The following NOLC1 variants were observed in gnomAD, a reference collection of about 807,000 sequenced individuals.
The protein encoded by NOLC1 is 140 kDa nucleolar phosphoprotein.
A neutral mutation model predicts 73.4 loss-of-function variants in NOLC1; 37 were observed. That is an observed-to-expected ratio of 0.50 (90% confidence interval 0.39 to 0.66). NOLC1 has a LOEUF of 0.66. Among genes scored for constraint, NOLC1 ranks in the 30% least tolerant of loss-of-function variants. NOLC1 has a pLI of 0.00. For synonymous variants in NOLC1, 327 were observed against 302.6 expected, an observed-to-expected ratio of 1.08 and a Z score of -0.84; for missense variants, 921 against 838.9, an observed-to-expected ratio of 1.10 and a Z score of -1.21.
At chr10:102,159,594 G>C (rs2069664943) in intron 7 of NOLC1, 26 bp downstream of exon 7, 1 of 1,608,480 alleles carries the variant, frequency 6.2e-7, no homozygotes. Flanking sequence ...GAGCGAAGCT[G>C]TGTGACTGTG....
Position 102,161,041 on chromosome 10 carries a change from TGAG to T in NOLC1, c.1698_1700del (p.Glu569del). 1.2e-6 allele frequency: 2 copies of T among 1,612,570 alleles called. No homozygotes were observed. Among genetic ancestry groups the T allele is most frequent in the Non-Finnish European group, 1.7e-6 (2 of 1,179,682 alleles). On this transcript the variant is annotated inframe_deletion, in exon 10 of 13. Transcript: ENST00000605788. Reference sequence around the variant, plus strand: ...AGAATGGAAAAGCAGCTAAGAACAGTGAGGAGGAGGAAGAAGAAAAGAAAAAGG... The same window carrying T: ...AGAATGGAAAAGCAGCTAAGAACAGTGAGGAGGAAGAAGAAAAGAAAAAGG...
chr10:102,159,281 G>A lies in NOLC1; in HGVS notation c.696G>A (p.Glu232=), dbSNP rs2133758829. The A allele has an allele frequency of 1.2e-6, 2 of 1,614,128 alleles. No homozygotes were observed. The highest frequency in any genetic ancestry group is 1.7e-6 in the Non-Finnish European group (2 of 1,180,024). Residue 232 remains glutamate, a synonymous_variant, in exon 6 of 13, where the codon GAG becomes GAA. Transcript: ENST00000605788. The stretch of plus-strand genomic sequence containing the variant: ...GCAGTAGCAGTGATGACTCAGAGGA[G>A]GAGAAGGCAGCAGCCACCCCCAAGA... ...SSSSSSDDSE[E]EKAAATPKKT...
chr10:102,154,256 T>TG, intron 1 of NOLC1, among the ~76,000 whole-genome samples: 1 of 147,312 alleles, frequency 6.8e-6, no homozygotes, highest in Middle Eastern at 3.4e-3. Context: ...TTTTTTTTTT[T>TG]GTATTTTTAG....
At chr10:102,152,615 A>C in intron 1 of NOLC1, 85 bp downstream of exon 1, 11 of 1,575,858 alleles carry the variant, frequency 7.0e-6, no homozygotes, top group Non-Finnish European at 9.5e-6. Context: ...CAGGTGGGGA[A>C]GTCTGGGGGT....
chr10:102,157,397 G>A (rs1380521684), intron 3 of NOLC1, 34 bp from the exon 4 acceptor site: 2 of 1,613,850 alleles, frequency 1.2e-6, no homozygotes, highest in Non-Finnish European at 1.7e-6. Context: ...GTTTCACATG[G>A]CTGATTCTTA....
intron 5 of NOLC1, 133 bp from the exon 6 acceptor site, chr10:102,159,060 G>C: frequency 1.1e-6 from 1 of 884,516 alleles, no homozygotes. Flanking sequence ...GCCAGACTCC[G>C]TCTCCAAAAA....
At position 102,158,757 on chromosome 10, in the gene NOLC1, A is replaced by C. The variant is rs112690918; in HGVS notation, c.608-436A>C. 2.1e-3 allele frequency among the ~76,000 whole-genome samples: 314 copies of C among 152,232 alleles called. 1 individual carries two copies. Among genetic ancestry groups the C allele is most frequent in the African/African-American group, 6.9e-3 (286 of 41,514 alleles). On this transcript the variant is annotated intron_variant, in intron 5 of 12. Coordinates refer to ENST00000605788, the MANE Select transcript of NOLC1 (RefSeq NM_004741.5). Reference sequence around the variant, plus strand: ...AAGGTATCCTTTGATGTGGTAAACCATGGCTGGCATTCTCCTCGATGGCTG... The same window carrying C: ...AAGGTATCCTTTGATGTGGTAAACCCTGGCTGGCATTCTCCTCGATGGCTG...
Position 102,162,374 on chromosome 10 carries a change from C to T in NOLC1, c.*105C>T. On this transcript the variant is annotated 3_prime_UTR_variant, in exon 13 of 13. Transcript: ENST00000605788. ...CTCTAGGTGAGGGTCTTGATGAGGA[C>T]AGAAGTTTAGAGTAGGTCCTAAGAC... 7.8e-7 allele frequency: 1 copy of T among 1,275,438 alleles called. No homozygotes were observed. The highest frequency in any genetic ancestry group is 1.1e-6 in the Non-Finnish European group (1 of 912,788). The allele number at this position is 1,275,438 out of a possible 1,614,324, so 79.0% of individuals were successfully genotyped here.
rs1362065628 is a variant in NOLC1 at position 102,160,509 on chromosome 10, A to G, written c.1157A>G (p.Asn386Ser). 1 of 1,614,222 alleles carries G rather than the reference A, an allele frequency of 6.2e-7. No individual in the cohort carries two copies. The highest frequency in any genetic ancestry group is 1.7e-5 in the Admixed American group (1 of 60,018). ...TCTAAGCCAGCTGGTACCACCAAGA[A>G]TTCTTCAAATAAGCCAGCTGTCACC... ...APSKPAGTTK[N>S]SSNKPAVTTK... Residue 386 changes from asparagine to serine, a missense_variant, in exon 10 of 13, where the codon AAT (asparagine) becomes AGT (serine). Transcript: ENST00000605788.
chr10:102,154,159 C>T (rs2069552338), intron 1 of NOLC1, among the ~76,000 whole-genome samples: 2 of 150,956 alleles, frequency 1.3e-5, no homozygotes, highest in Admixed American at 6.6e-5. Context: ...GCAACCTCTG[C>T]CTCTCAGGCT....
intron 5 of NOLC1, 108 bp downstream of exon 5, chr10:102,158,322 T>C: frequency 1.2e-6 from 1 of 823,602 alleles, no homozygotes. Flanking sequence ...TTTGTTGAAC[T>C]GGAGGTGTTG....
chr10:102,155,896 G>A (rs868172696), intron 1 of NOLC1, among the ~76,000 whole-genome samples: 1 of 151,696 alleles, frequency 6.6e-6, no homozygotes, highest in African/African-American at 2.4e-5. Context: ...TTGGTCTGTC[G>A]CACAGGCTGG....
chr10:102,161,170 A>G, intron 10 of NOLC1, 77 bp downstream of exon 10: 3 of 1,429,428 alleles, frequency 2.1e-6, no homozygotes, highest in South Asian at 1.4e-5. Flanking sequence ...AGAGTAGGGT[A>G]GTGAGAGGAG....
Position 102,161,603 on chromosome 10 carries a change from ACTC to A in NOLC1, c.1793_1795del (p.Pro598del). On this transcript the variant is annotated inframe_deletion, in exon 11 of 13. Coordinates refer to ENST00000605788, the MANE Select transcript of NOLC1 (RefSeq NM_004741.5). ...GAATGAGGCTGCCAAGGAGGCAGAG[ACTC>A]CTCAGGCCAAGAAGATAAAGCTTCA... 1 of 1,613,924 alleles carries A rather than the reference ACTC, an allele frequency of 6.2e-7. No individual in the cohort carries two copies. The highest frequency in any genetic ancestry group is 8.5e-7 in the Non-Finnish European group (1 of 1,179,954).
intron 1 of NOLC1, among the ~76,000 whole-genome samples, chr10:102,153,374 A>G (rs1311606115): frequency 6.6e-6 from 1 of 152,204 alleles, no homozygotes; most frequent in Admixed American, 6.5e-5. Context: ...GGAATGTGAA[A>G]GGTTTGTAAT....
Position 102,163,185 on chromosome 10 carries a change from T to G in NOLC1, c.*916T>G, listed in dbSNP as rs2069741690. 6.6e-6 allele frequency: 1 copy of G among 152,162 alleles called. No individual in the cohort carries two copies. The allele number at this position is 152,162 out of a possible 1,614,324, so 9.4% of individuals were successfully genotyped here. On this transcript the variant is annotated 3_prime_UTR_variant, in exon 13 of 13. Transcript: ENST00000605788. Reference sequence around the variant, plus strand: ...CTTGGTATTGCTGTCTTGGTTGCAGTGGTGATACAGAATTGGTTTCATTAA... The same window carrying G: ...CTTGGTATTGCTGTCTTGGTTGCAGGGGTGATACAGAATTGGTTTCATTAA...
rs199618325 is a variant in NOLC1 at position 102,162,142 on chromosome 10, C to G, written c.1973C>G (p.Ala658Gly). The change falls in exon 13 of 13, where the codon GCC (alanine) becomes GGC (glycine). Residue 658 changes from alanine to glycine, a missense_variant. Physicochemically the swap from Ala to Gly is moderately conservative, Grantham distance 60. Transcript: ENST00000605788. ...GCAGCCGGAGACTGGGGAGAGCGAG[C>G]CAATCAGGTTTTGAAGTTCACCAAA... Reference protein sequence around the residue: ...RGAAGDWGERANQVLKFTKGK... With the variant: ...RGAAGDWGERGNQVLKFTKGK... The G allele has an allele frequency of 1.2e-6, 2 of 1,614,042 alleles. No individual in the cohort carries two copies. The highest frequency in any genetic ancestry group is 1.7e-5 in the Admixed American group (1 of 60,006).
rs1218256473 is a variant in NOLC1 at position 102,163,533 on chromosome 10, A to G, written c.*1264A>G. ...ACCAGAGATAACAGCTTTTAGGCCA[A>G]GCTGGCCTGACGGTATGGCTGCAGG... is the stretch of plus-strand genomic sequence containing the variant. On this transcript the variant is annotated 3_prime_UTR_variant, in exon 13 of 13. Transcript: ENST00000605788. The G allele has an allele frequency of 1.3e-5, 2 of 152,234 alleles. No individual in the cohort carries two copies. The highest frequency in any genetic ancestry group is 2.9e-5 in the Non-Finnish European group (2 of 68,054). The allele number at this position is 152,234 out of a possible 1,614,324, so 9.4% of individuals were successfully genotyped here.
In NOLC1 at chr10:102,162,816, A is replaced by G. The variant is rs549104985; in HGVS notation, c.*547A>G. On this transcript the variant is annotated 3_prime_UTR_variant, in exon 13 of 13. Coordinates refer to ENST00000605788, the MANE Select transcript of NOLC1 (RefSeq NM_004741.5). ...ATGCAATGTCTGTTAAGCATGCACT[A>G]TGTATTTCATCCTCATTTATTGGGT... 2.6e-5 allele frequency: 4 copies of G among 152,420 alleles called. No homozygotes were observed. Among genetic ancestry groups the G allele is most frequent in the Non-Finnish European group, 4.4e-5 (3 of 68,086 alleles). The allele number at this position is 152,420 out of a possible 1,614,324, so 9.4% of individuals were successfully genotyped here. A position where few individuals can be genotyped will look rare whatever the true frequency, so the allele number is the denominator to read the frequency against.
Sources: allele counts gnomAD v4.1 joint callset (sites outside exome capture counted in the v4.1 genomes callset), GRCh38; gene constraint gnomAD v4.1.1; transcripts MANE v1.5; gene names NCBI Gene and HGNC (gene_info 2026-07-23, HGNC 2026-07-21).